The following ATXN1 variants were observed in gnomAD, a reference collection of about 807,000 sequenced individuals.
ATXN1 encodes ataxin-1.
Under a neutral mutation model 56.4 loss-of-function variants are expected in ATXN1, and 8 were observed. The observed-to-expected ratio is 0.14, with a 90% CI of 0.08 to 0.26. The LOEUF (loss-of-function observed/expected upper bound fraction) is 0.26. Ranked by LOEUF, ATXN1 falls within the 10% of genes least tolerant of loss-of-function variation. The probability of loss-of-function intolerance (pLI) is 1.00; values close to 1 mark genes in which losing one functional copy is unlikely to be tolerated. For synonymous variants in ATXN1, 514 were observed against 494.6 expected (o/e 1.04, Z -0.52); for missense variants, 987 against 1,106.5 (o/e 0.89, Z 1.53).
At chr6:16,727,229 T>C (rs1008251) in intron 2 of ATXN1, among the ~76,000 whole-genome samples, 74,322 of 152,034 alleles carry the variant, frequency 0.49, 18,687 homozygotes, top group East Asian at 0.66. Context: ...AATTTTCAAG[T>C]ATCAGTAAAA....
At chr6:16,331,555 T>G (rs1444479458) in intron 6 of ATXN1, among the ~76,000 whole-genome samples, 1 of 152,088 alleles carries the variant, frequency 6.6e-6, no homozygotes, top group Non-Finnish European at 1.5e-5. Flanking sequence ...CAGGGTTTCA[T>G]GAGGGATATT....
At chr6:16,397,044 T>C (rs186959679) in intron 6 of ATXN1, among the ~76,000 whole-genome samples, 1 of 152,332 alleles carries the variant, frequency 6.6e-6, no homozygotes, top group East Asian at 1.9e-4. Context: ...GATGTAAGGA[T>C]GCATTTCTCA....
chr6:16,408,662 T>A (rs994510049), intron 6 of ATXN1, among the ~76,000 whole-genome samples: 7 of 152,224 alleles, frequency 4.6e-5, no homozygotes, highest in African/African-American at 1.7e-4. Flanking sequence ...TTATGCAAAT[T>A]GAAAAACATT....
Position 16,533,622 on chromosome 6 carries a change from G to C in ATXN1, c.-360-10934C>G, listed in dbSNP as rs543017965. Reference sequence around the variant, plus strand: ...ATACCTGATGGAGGGACATAGGAAAGGGCAAAGAGGTAAAAGAAATCCCTG... The same window carrying C: ...ATACCTGATGGAGGGACATAGGAAACGGCAAAGAGGTAAAAGAAATCCCTG... On this transcript the variant is annotated intron_variant, in intron 4 of 7. Transcript: ENST00000436367. Among the ~76,000 whole-genome samples, 13 of 152,292 alleles carry C rather than the reference G, an allele frequency of 8.5e-5. No homozygotes were observed. The South Asian group carries it at 2.7e-3, about 32-fold the overall frequency.
intron 6 of ATXN1, among the ~76,000 whole-genome samples, chr6:16,455,019 T>G (rs1284069483): frequency 6.6e-6 from 1 of 152,162 alleles, no homozygotes; most frequent in African/African-American, 2.4e-5. Context: ...AGAGGATATA[T>G]GAACTTGAGG....
At chr6:16,527,493 G>A (rs534022522) in intron 4 of ATXN1, among the ~76,000 whole-genome samples, 32 of 152,222 alleles carry the variant, frequency 2.1e-4, no homozygotes, top group African/African-American at 6.5e-4. Flanking sequence ...GATCAAAGGC[G>A]GAGATGCAAA....
At chr6:16,415,951 G>GT (rs920876911) in intron 6 of ATXN1, among the ~76,000 whole-genome samples, 4 of 152,000 alleles carry the variant, frequency 2.6e-5, no homozygotes, top group African/African-American at 7.3e-5. Flanking sequence ...ATTTTTAATC[G>GT]TTTTTTTCCC....
In ATXN1 at chr6:16,442,500, C is replaced by T. The variant is rs114156031; in HGVS notation, c.-161+43472G>A. ...AGTATAATGATTAAAAAAAAACACG[C>T]GGGAAGAATATGAAAGGAACGAAAA... On this transcript the variant is annotated intron_variant, in intron 6 of 7. Transcript: ENST00000436367. Among the ~76,000 whole-genome samples, 337 of 150,796 alleles carry T rather than the reference C, an allele frequency of 2.2e-3. 3 individuals are homozygous for T. The highest frequency in any genetic ancestry group is 7.5e-3 in the African/African-American group (307 of 41,008).
chr6:16,513,636 C>G (rs1437115435), intron 5 of ATXN1, among the ~76,000 whole-genome samples: 2 of 152,148 alleles, frequency 1.3e-5, no homozygotes, highest in African/African-American at 4.8e-5. Context: ...CTGAAATGAT[C>G]AAGAGCGTCA....
At chr6:16,584,519 C>T (rs1413975735) in intron 4 of ATXN1, among the ~76,000 whole-genome samples, 1 of 151,730 alleles carries the variant, frequency 6.6e-6, no homozygotes, top group African/African-American at 2.4e-5. Context: ...CCCTTCTACT[C>T]CTTCTGGATT....
At chr6:16,730,859 C>T (rs1359815879) in intron 2 of ATXN1, among the ~76,000 whole-genome samples, 5 of 152,176 alleles carry the variant, frequency 3.3e-5, no homozygotes, top group Non-Finnish European at 5.9e-5. Context: ...GCCATAAATA[C>T]AGACCTTCCT....
At chr6:16,618,738 AG>A (rs1763265706) in intron 3 of ATXN1, among the ~76,000 whole-genome samples, 1 of 151,116 alleles carries the variant, frequency 6.6e-6, no homozygotes, top group African/African-American at 2.4e-5. Context: ...AAAAAAAAAA[AG>A]GATTCAACTG....
intron 6 of ATXN1, among the ~76,000 whole-genome samples, chr6:16,344,267 A>G (rs1012635396): frequency 6.6e-6 from 1 of 152,090 alleles, no homozygotes; most frequent in African/African-American, 2.4e-5. Flanking sequence ...AACACCAGCC[A>G]CCCCCGCATG....
At chr6:16,757,545 T>G (rs921690351) in intron 1 of ATXN1, among the ~76,000 whole-genome samples, 2 of 152,124 alleles carry the variant, frequency 1.3e-5, no homozygotes, top group African/African-American at 4.8e-5. Flanking sequence ...CACAATGAAT[T>G]TACCAACCAC....
chr6:16,521,762 C>T (rs1439546086), intron 5 of ATXN1, among the ~76,000 whole-genome samples: 1 of 152,162 alleles, frequency 6.6e-6, no homozygotes, highest in East Asian at 1.9e-4. Flanking sequence ...AGATGTACCA[C>T]CAAGTCTCAG....
At chr6:16,660,985 C>T (rs1262723836) in intron 2 of ATXN1, among the ~76,000 whole-genome samples, 1 of 151,536 alleles carries the variant, frequency 6.6e-6, no homozygotes, top group Non-Finnish European at 1.5e-5. Context: ...ATCATAGGTG[C>T]CCACCACCAC....
intron 1 of ATXN1, among the ~76,000 whole-genome samples, chr6:16,759,121 T>C (rs896018019): frequency 6.6e-6 from 1 of 152,236 alleles, no homozygotes; most frequent in Non-Finnish European, 1.5e-5. Flanking sequence ...AAAAAGTAAC[T>C]AGCTGTGCCT....
At chr6:16,696,248 G>C (rs926538251) in intron 2 of ATXN1, among the ~76,000 whole-genome samples, 1 of 152,118 alleles carries the variant, frequency 6.6e-6, no homozygotes, top group Non-Finnish European at 1.5e-5. Context: ...TAAGTTTACA[G>C]ATATAGGCAA....
chr6:16,656,325 A>G (rs1758200981), intron 3 of ATXN1, among the ~76,000 whole-genome samples: 1 of 152,166 alleles, frequency 6.6e-6, no homozygotes, highest in Non-Finnish European at 1.5e-5. Flanking sequence ...ACTAGAGGGA[A>G]CTGAATTATA....
Sources: gnomAD v4.1 joint callset for allele counts (sites outside exome capture counted in the v4.1 genomes callset) on GRCh38, gnomAD v4.1.1 for gene constraint, MANE v1.5 for transcripts, NCBI Gene and HGNC (gene_info 2026-07-23, HGNC 2026-07-21) for gene names.